Variants in LIN7A observed in about 807,000 individuals in gnomAD.
The protein encoded by LIN7A is lin-7 cell polarity scaffold A, also known as protein lin-7 homolog A.
In LIN7A, 25 loss-of-function variants were observed where a neutral mutation model predicts 29.8. The ratio of observed to expected loss-of-function variants is 0.84; its 90% confidence interval spans 0.61 to 1.17. The LOEUF is 1.17. LIN7A is among the 50% of genes most tolerant of loss of function. The pLI, the probability that LIN7A is intolerant of heterozygous loss-of-function variation, is 0.00. For synonymous variants in LIN7A, 118 were observed against 107.5 expected (o/e 1.10, Z -0.60); for missense variants, 239 against 287.0 (o/e 0.83, Z 1.21).
intron 1 of LIN7A, among the ~76,000 whole-genome samples, chr12:80,915,908 G>A (rs919568267): frequency 2.6e-5 from 4 of 152,168 alleles, no homozygotes; most frequent in African/African-American, 9.7e-5. Flanking sequence ...GGCAAGAATT[G>A]AGACTGCCTA....
At chr12:80,902,216 T>G (rs1032231884) in intron 1 of LIN7A, among the ~76,000 whole-genome samples, 4 of 84,098 alleles carry the variant, frequency 4.8e-5, no homozygotes, top group African/African-American at 1.2e-4. Flanking sequence ...TTGGTCTATG[T>G]GTTTTTTTTT....
intron 1 of LIN7A, among the ~76,000 whole-genome samples, chr12:80,911,783 A>G (rs1396860360): frequency 1.3e-5 from 2 of 152,208 alleles, no homozygotes; most frequent in East Asian, 3.9e-4. Context: ...TTTGAACAAG[A>G]TAAGATCCCA....
chr12:80,921,409 A>G (rs905673746), intron 1 of LIN7A, among the ~76,000 whole-genome samples: 6 of 99,856 alleles, frequency 6.0e-5, no homozygotes, highest in Admixed American at 1.0e-4. Context: ...TTTATTTCTC[A>G]TAGTTTTGGA....
chr12:80,799,567 GA>G (rs575944285), intron 5 of LIN7A, among the ~76,000 whole-genome samples: 17 of 151,064 alleles, frequency 1.1e-4, no homozygotes, highest in African/African-American at 3.9e-4. Flanking sequence ...ATGAGTCAAA[GA>G]AAAAAAATCA....
chr12:80,878,731 A>G (rs1313242539), intron 2 of LIN7A, among the ~76,000 whole-genome samples: 1 of 152,052 alleles, frequency 6.6e-6, no homozygotes, highest in Non-Finnish European at 1.5e-5. Flanking sequence ...CAGTGTGCTG[A>G]TTGGTCCATT....
intron 2 of LIN7A, among the ~76,000 whole-genome samples, chr12:80,855,639 C>T: frequency 6.6e-6 from 1 of 151,900 alleles, no homozygotes; most frequent in East Asian, 1.9e-4. Context: ...AGATTTTAGG[C>T]CAAGGGAGGT....
At chr12:80,893,637 C>T (rs773355922) in intron 1 of LIN7A, among the ~76,000 whole-genome samples, 37 of 152,180 alleles carry the variant, frequency 2.4e-4, no homozygotes, top group Non-Finnish European at 5.1e-4. Context: ...TTTTGCTTCT[C>T]TTCCAACAAC....
At chr12:80,902,726 T>C (rs1406688354) in intron 1 of LIN7A, among the ~76,000 whole-genome samples, 4 of 152,172 alleles carry the variant, frequency 2.6e-5, no homozygotes, top group Admixed American at 2.6e-4. Flanking sequence ...CCTGAAACTT[T>C]ACTTAAGTCA....
rs368925700 is a variant in LIN7A, at chr12:80,935,846, A to G, written c.82+1795T>C. On this transcript the variant is annotated intron_variant, in intron 1 of 5. Transcript: ENST00000552864. Reference sequence around the variant, plus strand: ...CTGTGAACAAGAGCAAACTTTAAAAATAAATCTTAGTCCGATTAGCACCTC... The same window carrying G: ...CTGTGAACAAGAGCAAACTTTAAAAGTAAATCTTAGTCCGATTAGCACCTC... The G allele has an allele frequency of 2.3e-4, 107 of 474,426 alleles. 1 individual carries two copies. The highest frequency in any genetic ancestry group is 4.3e-4 in the Admixed American group (22 of 51,082). The allele number at this position is 474,426 out of a possible 1,614,324, so 29.4% of individuals were successfully genotyped here.
At chr12:80,930,543 T>C (rs1877844285) in intron 1 of LIN7A, among the ~76,000 whole-genome samples, 1 of 152,252 alleles carries the variant, frequency 6.6e-6, no homozygotes, top group Admixed American at 6.5e-5. Context: ...GTAGCTTATA[T>C]ATATGTGTGT....
intron 1 of LIN7A, among the ~76,000 whole-genome samples, chr12:80,894,485 A>C (rs916589058): frequency 3.3e-5 from 5 of 152,282 alleles, no homozygotes; most frequent in African/African-American, 1.2e-4. Flanking sequence ...ACTTCTCAGA[A>C]TGGTGCACAA....
chr12:80,834,268 A>C (rs1872514382), intron 4 of LIN7A, among the ~76,000 whole-genome samples: 1 of 152,304 alleles, frequency 6.6e-6, no homozygotes, highest in South Asian at 2.1e-4. Flanking sequence ...TACTACATAT[A>C]CAGATTTTGA....
chr12:80,864,368 A>C (rs1014566298), intron 2 of LIN7A, among the ~76,000 whole-genome samples: 10 of 152,168 alleles, frequency 6.6e-5, no homozygotes, highest in African/African-American at 2.4e-4. Flanking sequence ...GAAAAAAAAA[A>C]CAGCAAAAAT....
intron 2 of LIN7A, among the ~76,000 whole-genome samples, chr12:80,883,071 T>C (rs1192122131): frequency 1.3e-5 from 2 of 150,200 alleles, no homozygotes; most frequent in African/African-American, 5.0e-5. Context: ...CTTCTTTCCT[T>C]CTTTCTTCTC....
At chr12:80,891,749 G>A (rs183791308) in intron 1 of LIN7A, among the ~76,000 whole-genome samples, 17 of 152,288 alleles carry the variant, frequency 1.1e-4, no homozygotes, top group Non-Finnish European at 2.1e-4. Context: ...TCTATTTGTG[G>A]AAATAACTGC....
chr12:80,844,572 T>C (rs1418094016), intron 4 of LIN7A, among the ~76,000 whole-genome samples: 1 of 152,286 alleles, frequency 6.6e-6, no homozygotes. Flanking sequence ...TATATTAAAA[T>C]CCTTAAGTTC....
Position 80,864,404 on chromosome 12 carries a change from A to C in LIN7A, c.202-16082T>G, listed in dbSNP as rs115643721. ...GATGTGGAGAAAATAATGGCTGTTT[A>C]CATTTGCCATTTTAGGATGAAAGCA... On this transcript the variant is annotated intron_variant, in intron 2 of 5. Transcript: ENST00000552864. Among the ~76,000 whole-genome samples the C allele has an allele frequency of 3.3e-3, 505 of 151,978 alleles. 3 individuals are homozygous for C. The highest frequency in any genetic ancestry group is 0.012 in the African/African-American group (487 of 41,514).
chr12:80,850,996 C>G (rs1259693033), intron 2 of LIN7A, among the ~76,000 whole-genome samples: 1 of 152,128 alleles, frequency 6.6e-6, no homozygotes, highest in Non-Finnish European at 1.5e-5. Flanking sequence ...ATACCGATGA[C>G]CACACAGCTA....
chr12:80,902,584 G>A (rs1876280875), intron 1 of LIN7A, among the ~76,000 whole-genome samples: 1 of 151,852 alleles, frequency 6.6e-6, no homozygotes, highest in Admixed American at 6.6e-5. Flanking sequence ...TGCTTCCTTG[G>A]TTAGCTGTAT....
Sources: allele counts gnomAD v4.1 joint callset (sites outside exome capture counted in the v4.1 genomes callset), GRCh38; gene constraint gnomAD v4.1.1; transcripts MANE v1.5; gene names NCBI Gene and HGNC (gene_info 2026-07-23, HGNC 2026-07-21).